The following MTO1 variants were observed in gnomAD, a reference collection of about 807,000 sequenced individuals.
The protein encoded by MTO1 is 5-taurinomethyluridine-[tRNA] synthase subunit MTO1, mitochondrial.
In MTO1, 46 loss-of-function variants were observed where a neutral mutation model predicts 71.6. The observed-to-expected ratio is 0.64, with a 90% confidence interval of 0.51 to 0.82. The LOEUF is 0.82. Ranked by LOEUF, MTO1 falls within the 40% of genes least tolerant of loss-of-function variation. The pLI is 0.00. For missense variants in MTO1, 773 were observed against 867.5 expected, an observed-to-expected ratio of 0.89 and a Z score of 1.37; for synonymous variants, 297 against 312.1, an observed-to-expected ratio of 0.95 and a Z score of 0.51.
chr6:73,464,146 A>G (rs1379829831), intron 1 of MTO1: 2 of 152,202 alleles, frequency 1.3e-5, no homozygotes, highest in Admixed American at 6.6e-5. Flanking sequence ...CACAAGGATG[A>G]TGCACAAATT....
At chr6:73,487,295 T>G (rs1199230390) in intron 9 of MTO1, among the ~76,000 whole-genome samples, 1 of 150,718 alleles carries the variant, frequency 6.6e-6, no homozygotes, top group Non-Finnish European at 1.5e-5. Context: ...TGGTTCCAGC[T>G]ATTCTTGTGC....
At chr6:73,463,439 G>A (rs1327112347) in intron 1 of MTO1, among the ~76,000 whole-genome samples, 1 of 152,102 alleles carries the variant, frequency 6.6e-6, no homozygotes, top group African/African-American at 2.4e-5. Context: ...TTGGATGGCC[G>A]TTCTGTAGCA....
intron 10 of MTO1, among the ~76,000 whole-genome samples, chr6:73,496,460 C>T (rs539320824): frequency 6.1e-4 from 93 of 151,302 alleles, no homozygotes; most frequent in Non-Finnish European, 1.1e-3. Context: ...ATTTAAAAAA[C>T]CATTTTCTTT....
At chr6:73,495,737 A>G (rs1771962051) in intron 10 of MTO1, among the ~76,000 whole-genome samples, 1 of 152,092 alleles carries the variant, frequency 6.6e-6, no homozygotes, top group Non-Finnish European at 1.5e-5. Flanking sequence ...TTATACCCTT[A>G]TATACCTTTA....
At position 73,498,133 on chromosome 6, in the gene MTO1, C is replaced by T. The variant is rs377224585; in HGVS notation, c.1917+237C>T. Among the ~76,000 whole-genome samples the T allele has an allele frequency of 3.3e-5, 5 of 152,024 alleles. No homozygotes were observed. In the East Asian group the frequency reaches 7.7e-4, roughly 24 times the overall value. On this transcript the variant is annotated intron_variant, in intron 11 of 11. Coordinates refer to ENST00000498286, the MANE Select transcript of MTO1 (RefSeq NM_012123.4). ...GAGGCTGAGGTGGCAGATACCTGAG[C>T]CCAAGACACTGAGGCTGCAGTGAGC...
chr6:73,490,624 A>C (rs180777074), intron 9 of MTO1, among the ~76,000 whole-genome samples: 2 of 152,180 alleles, frequency 1.3e-5, no homozygotes, highest in African/African-American at 4.8e-5. Flanking sequence ...GAAATCAGGA[A>C]GTATAAGGCC....
At chr6:73,492,423 A>G in intron 10 of MTO1, 71 bp downstream of exon 10, 8 of 1,053,798 alleles carry the variant, frequency 7.6e-6, no homozygotes, top group Admixed American at 1.8e-5. Context: ...CAGATCCATT[A>G]TTACTGTTGG....
chr6:73,481,067 C>T, intron 7 of MTO1: 1 of 437,448 alleles, frequency 2.3e-6, no homozygotes, highest in South Asian at 2.0e-5. Flanking sequence ...ATCCTCCTGC[C>T]TCAGCCCTCC....
intron 4 of MTO1, among the ~76,000 whole-genome samples, chr6:73,475,303 A>G (rs773390025): frequency 7.3e-5 from 11 of 151,398 alleles, no homozygotes; most frequent in Non-Finnish European, 1.3e-4. Context: ...GCTTTTTGAG[A>G]TGGAGATTCA....
chr6:73,470,469 G>A lies in MTO1; in HGVS notation c.536-2896G>A, dbSNP rs573545091. Among the ~76,000 whole-genome samples the A allele has an allele frequency of 2.5e-3, 374 of 152,180 alleles. 2 individuals carry two copies. Among genetic ancestry groups the A allele is most frequent in the African/African-American group, 8.6e-3 (356 of 41,528 alleles). On this transcript the variant is annotated intron_variant, in intron 3 of 11. Coordinates refer to ENST00000498286, the MANE Select transcript of MTO1 (RefSeq NM_012123.4). ...GGTCCGCCCACCTCGGCCTCCCAAAGTGCTGGGATTACAGGCATGAGCCAC... is the reference window on the plus strand; with the variant it reads ...GGTCCGCCCACCTCGGCCTCCCAAAATGCTGGGATTACAGGCATGAGCCAC...
chr6:73,491,636 G>A (rs1489790772), intron 9 of MTO1, among the ~76,000 whole-genome samples: 1 of 152,102 alleles, frequency 6.6e-6, no homozygotes, highest in Non-Finnish European at 1.5e-5. Context: ...AGTGCTTAGG[G>A]AATTCAGTGA....
chr6:73,471,206 C>CTTT (rs11384040), intron 3 of MTO1, among the ~76,000 whole-genome samples: 1 of 144,108 alleles, frequency 6.9e-6, no homozygotes, highest in East Asian at 2.0e-4. Flanking sequence ...GGAGGCCATG[C>CTTT]TTTTTTTTTT....
rs1212330503 is a variant in MTO1 at position 73,507,940 on chromosome 6, G to T, written c.*7205G>T. On this transcript the variant is annotated 3_prime_UTR_variant, in exon 12 of 12. Transcript: ENST00000498286. ...TGCAATGAGCCGAGATCGCGCCACTGCACTCTAGCCTGGGCGACAAAGCGA... is the reference window on the plus strand; with the variant it reads ...TGCAATGAGCCGAGATCGCGCCACTTCACTCTAGCCTGGGCGACAAAGCGA... The T allele has an allele frequency of 7.2e-6, 1 of 138,954 alleles. No individual in the cohort carries two copies. Among genetic ancestry groups the T allele is most frequent in the Admixed American group, 7.9e-5 (1 of 12,628 alleles). The allele number at this position is 138,954 out of a possible 1,614,324, so 8.6% of individuals were successfully genotyped here.
At chr6:73,495,579 C>G (rs940288529) in intron 10 of MTO1, among the ~76,000 whole-genome samples, 1 of 151,704 alleles carries the variant, frequency 6.6e-6, no homozygotes, top group Admixed American at 6.6e-5. Context: ...AAAAACTATA[C>G]TAGATTGAAA....
At chr6:73,477,393 CAAAAAAAAAAAA>C (rs34672070) in intron 4 of MTO1, among the ~76,000 whole-genome samples, 1 of 73,202 alleles carries the variant, frequency 1.4e-5, no homozygotes, top group Non-Finnish European at 2.6e-5. Flanking sequence ...GACTATGTCT[CAAAAAAAAAAAA>C]AAAAAAAAAA....
Position 73,479,857 on chromosome 6 carries a change from T to C in MTO1, c.938+13T>C. 6.2e-7 allele frequency: 1 copy of C among 1,606,940 alleles called. No individual in the cohort carries two copies. Among genetic ancestry groups the C allele is most frequent in the African/African-American group, 1.3e-5 (1 of 74,840 alleles). ...CAAGAGGACCTCGGTAAGGACAAAATGTCAGTGCTCAGTTACTTTAAGGAA... is the reference window on the plus strand; with the variant it reads ...CAAGAGGACCTCGGTAAGGACAAAACGTCAGTGCTCAGTTACTTTAAGGAA... On this transcript the variant is annotated intron_variant, in intron 5 of 11. Transcript: ENST00000498286.
At chr6:73,494,464 ATTTTCTTTTT>A (rs1200167975) in intron 10 of MTO1, among the ~76,000 whole-genome samples, 14 of 146,252 alleles carry the variant, frequency 9.6e-5, no homozygotes, top group Non-Finnish European at 1.9e-4. Flanking sequence ...TAGCAGTGGC[ATTTTCTTTTT>A]TTTTCTTTTT....
chr6:73,482,732 T>G, intron 9 of MTO1, 112 bp downstream of exon 9: 2 of 845,080 alleles, frequency 2.4e-6, no homozygotes, highest in Non-Finnish European at 1.7e-6. Flanking sequence ...CAAATGAATG[T>G]AGCTTGTTTT....
At chr6:73,464,857 A>AG (rs1264806206) in intron 1 of MTO1, among the ~76,000 whole-genome samples, 1 of 150,064 alleles carries the variant, frequency 6.7e-6, no homozygotes, top group Non-Finnish European at 1.5e-5. Flanking sequence ...AAAAAAAAAA[A>AG]AAAACTTTTG....
Sources: gnomAD v4.1 joint callset for allele counts (sites outside exome capture counted in the v4.1 genomes callset) on GRCh38, gnomAD v4.1.1 for gene constraint, MANE v1.5 for transcripts, NCBI Gene and HGNC (gene_info 2026-07-23, HGNC 2026-07-21) for gene names.